PRDM5: variants seen among roughly 807,000 people sequenced by gnomAD.
The protein encoded by PRDM5 is PR/SET domain 5.
In PRDM5, 56 loss-of-function variants were observed where a neutral mutation model predicts 81.2. The observed-to-expected ratio is 0.69, with a 90% CI of 0.56 to 0.86. PRDM5 has a LOEUF of 0.86. Among genes scored for constraint, PRDM5 ranks in the 40% least tolerant of loss-of-function variants. The pLI, the probability that PRDM5 is intolerant of heterozygous loss-of-function variation, is 0.00. For missense variants in PRDM5, 697 were observed against 770.1 expected (o/e 0.91, Z 1.12); for synonymous variants, 267 against 256.4 (o/e 1.04, Z -0.39).
intron 2 of PRDM5, among the ~76,000 whole-genome samples, chr4:120,901,417 A>C (rs1201918540): frequency 6.6e-6 from 1 of 152,260 alleles, no homozygotes; most frequent in East Asian, 1.9e-4. Flanking sequence ...TGTAAAACAT[A>C]GAGTTTTCTC....
intron 2 of PRDM5, among the ~76,000 whole-genome samples, chr4:120,875,465 AG>A (rs1762251164): frequency 6.6e-6 from 1 of 152,204 alleles, no homozygotes; most frequent in African/African-American, 2.4e-5. Flanking sequence ...AATACCTCAC[AG>A]GGGCAACCCT....
At chr4:120,848,124 G>A (rs1049927425) in intron 3 of PRDM5, among the ~76,000 whole-genome samples, 2 of 152,148 alleles carry the variant, frequency 1.3e-5, no homozygotes, top group Non-Finnish European at 2.9e-5. Flanking sequence ...AATAGATGTT[G>A]CCTAGGCATG....
intron 14 of PRDM5, among the ~76,000 whole-genome samples, chr4:120,737,212 A>T (rs557344082): frequency 1.8e-4 from 27 of 152,294 alleles, no homozygotes; most frequent in African/African-American, 6.5e-4. Context: ...GCCAGATGAC[A>T]AGAATGGTCC....
chr4:120,741,736 C>T (rs1742023418), intron 14 of PRDM5, among the ~76,000 whole-genome samples: 1 of 152,186 alleles, frequency 6.6e-6, no homozygotes, highest in South Asian at 2.1e-4. Context: ...AAAAAAACGG[C>T]ACACCACGAG....
At chr4:120,879,471 T>C (rs1579089288) in intron 2 of PRDM5, among the ~76,000 whole-genome samples, 2 of 152,172 alleles carry the variant, frequency 1.3e-5, no homozygotes, top group East Asian at 3.9e-4. Flanking sequence ...CCTCTTACTC[T>C]TCCTCCTCAG....
At chr4:120,758,546 T>C (rs1029492331) in intron 13 of PRDM5, among the ~76,000 whole-genome samples, 17 of 152,060 alleles carry the variant, frequency 1.1e-4, no homozygotes, top group South Asian at 4.2e-4. Context: ...AGACTGGAAT[T>C]ATGCCGCCAC....
intron 5 of PRDM5, among the ~76,000 whole-genome samples, chr4:120,817,574 T>G (rs1754699591): frequency 6.6e-6 from 1 of 152,152 alleles, no homozygotes. Context: ...TTGGAAGTAA[T>G]TGGCTTCAAC....
chr4:120,901,420 GT>G (rs2148660912), intron 2 of PRDM5, among the ~76,000 whole-genome samples: 2 of 152,280 alleles, frequency 1.3e-5, no homozygotes, highest in African/African-American at 4.8e-5. Context: ...AAAACATAGA[GT>G]TTTCTCATGA....
intron 2 of PRDM5, among the ~76,000 whole-genome samples, chr4:120,903,907 T>G (rs887786308): frequency 2.0e-5 from 3 of 152,016 alleles, no homozygotes; most frequent in African/African-American, 7.2e-5. Context: ...ACTTCCTTCC[T>G]GGCTGGGCAT....
chr4:120,801,778 T>G (rs1752148782), intron 8 of PRDM5, among the ~76,000 whole-genome samples: 1 of 152,212 alleles, frequency 6.6e-6, no homozygotes, highest in Non-Finnish European at 1.5e-5. Context: ...CCACAGCGGC[T>G]TCAGTTAAAC....
intron 10 of PRDM5, 22 bp from the exon 11 acceptor site, chr4:120,785,113 T>A (rs756625763): frequency 6.5e-7 from 1 of 1,531,802 alleles, no homozygotes; most frequent in Admixed American, 1.7e-5. Context: ...AAACACTGAG[T>A]CAGGAGGATC....
At chr4:120,848,474 G>A (rs1286469679) in intron 3 of PRDM5, among the ~76,000 whole-genome samples, 1 of 152,150 alleles carries the variant, frequency 6.6e-6, no homozygotes, top group African/African-American at 2.4e-5. Context: ...TTACTTAGAT[G>A]CTCTTGAGAG....
At chr4:120,805,602 G>A (rs1311220224) in intron 8 of PRDM5, among the ~76,000 whole-genome samples, 28 of 151,906 alleles carry the variant, frequency 1.8e-4, no homozygotes, top group South Asian at 1.0e-3. Flanking sequence ...GACAAAAACC[G>A]CATGATTATC....
At chr4:120,711,507 A>G (rs1055662383) in intron 14 of PRDM5, among the ~76,000 whole-genome samples, 12 of 147,434 alleles carry the variant, frequency 8.1e-5, no homozygotes, top group African/African-American at 3.0e-4. Flanking sequence ...ATGGGGTTTC[A>G]CCATGTTGAC....
At chr4:120,895,537 C>T (rs1431721561) in intron 2 of PRDM5, 4 of 152,458 alleles carry the variant, frequency 2.6e-5, no homozygotes, top group African/African-American at 9.6e-5. Flanking sequence ...TCCACATCAA[C>T]ACCATCTTCA....
At chr4:120,818,223 T>C in intron 5 of PRDM5, 130 bp downstream of exon 5, 1 of 893,806 alleles carries the variant, frequency 1.1e-6, no homozygotes, top group South Asian at 1.5e-5. Context: ...GCTTAATCTC[T>C]CATTCACACA....
chr4:120,694,892 G>A lies in PRDM5; in HGVS notation c.*219C>T, dbSNP rs1734339848. On this transcript the variant is annotated 3_prime_UTR_variant, in exon 16 of 16. Coordinates refer to ENST00000264808, the MANE Select transcript of PRDM5 (RefSeq NM_018699.4). ...CAGAGCACAAGTTGCATTTTGCAAGGCTATGGAGTTGTATTTTTTTTCCAT... is the reference window on the plus strand; with the variant it reads ...CAGAGCACAAGTTGCATTTTGCAAGACTATGGAGTTGTATTTTTTTTCCAT... 5.1e-5 allele frequency: 28 copies of A among 550,852 alleles called. No homozygotes were observed. In the South Asian group the frequency reaches 5.8e-4, roughly 11 times the overall value. The allele number at this position is 550,852 out of a possible 1,614,324, so 34.1% of individuals were successfully genotyped here.
At chr4:120,853,771 A>T (rs1759557003) in intron 2 of PRDM5, among the ~76,000 whole-genome samples, 1 of 152,228 alleles carries the variant, frequency 6.6e-6, no homozygotes, top group Admixed American at 6.5e-5. Context: ...ACTCTCAGAA[A>T]CATCCTACGT....
At chr4:120,724,909 T>C (rs184527888) in intron 14 of PRDM5, among the ~76,000 whole-genome samples, 1 of 152,236 alleles carries the variant, frequency 6.6e-6, no homozygotes, top group East Asian at 1.9e-4. Flanking sequence ...ATAAATTACA[T>C]CTCTGAGTCA....
Sources: gnomAD v4.1 joint callset for allele counts (sites outside exome capture counted in the v4.1 genomes callset) on GRCh38, gnomAD v4.1.1 for gene constraint, MANE v1.5 for transcripts, NCBI Gene and HGNC (gene_info 2026-07-23, HGNC 2026-07-21) for gene names.